MMEL1: variants seen among roughly 807,000 people sequenced by gnomAD.
The protein encoded by MMEL1 is membrane metallo-endopeptidase-like 1.
In MMEL1, 98 loss-of-function variants were observed where a neutral mutation model predicts 117.1. The ratio of observed to expected loss-of-function variants is 0.84; its 90% CI spans 0.71 to 0.99. MMEL1 has a LOEUF of 0.99. Among genes scored for constraint, MMEL1 ranks in the 50% least tolerant of loss-of-function variants. MMEL1 has a pLI of 0.00. For missense variants in MMEL1, 1,014 were observed against 1,049.1 expected (o/e 0.97, Z 0.46); for synonymous variants, 390 against 415.1 (o/e 0.94, Z 0.74).
In MMEL1 at chr1:2,607,006, G is replaced by A. The variant is rs756650891; in HGVS notation, c.599C>T (p.Pro200Leu). ...LDILEVVGGW[P>L]VAMDRWNETV... ...CTCGTTCCACCTGTCCATCGCCACCGGCCAGCCTCCCACCACCTCCAAGAT... is the reference window on the plus strand; with the variant it reads ...CTCGTTCCACCTGTCCATCGCCACCAGCCAGCCTCCCACCACCTCCAAGAT... Residue 200 changes from proline (P) to leucine (L), a missense_variant, in exon 7 of 24, where the codon CCG (proline) becomes CTG (leucine). Pro to Leu is a moderately conservative substitution (Grantham distance 98). Coordinates refer to ENST00000378412, the MANE Select transcript of MMEL1 (RefSeq NM_033467.4). The A allele has an allele frequency of 2.5e-5, 40 of 1,613,254 alleles. No homozygotes were observed. Among genetic ancestry groups the A allele is most frequent in the Non-Finnish European group, 3.2e-5 (38 of 1,179,984 alleles).
chr1:2,627,799 T>G (rs1260880753), intron 2 of MMEL1, among the ~76,000 whole-genome samples: 1 of 152,114 alleles, frequency 6.6e-6, no homozygotes, highest in African/African-American at 2.4e-5. Flanking sequence ...GAGGCCAAGG[T>G]CAGCTGTGGG....
At chr1:2,615,402 A>T (rs1645186411) in intron 2 of MMEL1, among the ~76,000 whole-genome samples, 1 of 152,182 alleles carries the variant, frequency 6.6e-6, no homozygotes, top group Non-Finnish European at 1.5e-5. Context: ...GCTAATTCCA[A>T]CTGAGGGTCA....
Position 2,597,240 on chromosome 1 carries a change from C to T in MMEL1, c.1273-551G>A, listed in dbSNP as rs182310376. The stretch of plus-strand genomic sequence containing the variant: ...CCTTCTGGGCTGCAGGACTTCCTGC[C>T]CTTTAGGAAAGGGAGGCAGCCCTTT... On this transcript the variant is annotated intron_variant, in intron 13 of 23. Coordinates refer to ENST00000378412, the MANE Select transcript of MMEL1 (RefSeq NM_033467.4). Among the ~76,000 whole-genome samples the T allele has an allele frequency of 1.8e-4, 28 of 152,156 alleles. No individual in the cohort carries two copies. The East Asian group carries it at 5.2e-3, about 28-fold the overall frequency.
At chr1:2,611,912 G>A (rs774657846) in intron 3 of MMEL1, among the ~76,000 whole-genome samples, 11 of 152,186 alleles carry the variant, frequency 7.2e-5, no homozygotes, top group Non-Finnish European at 1.0e-4. Flanking sequence ...GGCCACGCAG[G>A]AGCAGGTGCG....
rs1557523841 is a variant in MMEL1, at chr1:2,596,526, TG to T, written c.1401+34del. 3.8e-6 allele frequency: 6 copies of T among 1,597,482 alleles called. No homozygotes were observed. The South Asian group carries it at 4.4e-5, about 12-fold the overall frequency. On this transcript the variant is annotated intron_variant, in intron 14 of 23. Transcript: ENST00000378412. ...GAGGCTCGGTGTCCCTGTGGAAGGC[TG>T]GCCCCGCGTGGGCCATGGATGAGGG...
chr1:2,604,333 C>T (rs1214017224), intron 9 of MMEL1, 52 bp from the exon 10 acceptor site: 1 of 1,598,454 alleles, frequency 6.3e-7, no homozygotes, highest in Admixed American at 1.7e-5. Context: ...ACCATGGCCC[C>T]CAGGGAGTTT....
At position 2,609,709 on chromosome 1, in the gene MMEL1, A is replaced by G; in HGVS notation, c.415T>C (p.Phe139Leu). 1 of 1,613,466 alleles carries G rather than the reference A, an allele frequency of 6.2e-7. No individual in the cohort carries two copies. Among genetic ancestry groups the G allele is most frequent in the Non-Finnish European group, 8.5e-7 (1 of 1,179,880 alleles). The change falls in exon 5 of 24, where the codon TTT (phenylalanine) becomes CTT (leucine). Residue 139 changes from phenylalanine (F) to leucine (L), a missense_variant. Phe to Leu is a conservative substitution (Grantham distance 22, BLOSUM62 0). Transcript: ENST00000378412. Reference protein sequence around the residue: ...IPETNSRYSIFDVLRDELEVI... With the variant: ...IPETNSRYSILDVLRDELEVI... ...TCCAGCTCGTCGCGGAGGACGTCAA[A>G]GATGCTGTATCTTGAGTTGGTCTCA...
At chr1:2,631,672 A>G (rs1056963921) in intron 1 of MMEL1, among the ~76,000 whole-genome samples, 5 of 151,874 alleles carry the variant, frequency 3.3e-5, no homozygotes, top group East Asian at 1.9e-4. Context: ...TCATGCATCC[A>G]CACACCCTCA....
rs1028763495 is a variant in MMEL1 at position 2,613,174 on chromosome 1, G to A, written c.155-970C>T. On this transcript the variant is annotated intron_variant, in intron 2 of 23. Coordinates refer to ENST00000378412, the MANE Select transcript of MMEL1 (RefSeq NM_033467.4). ...GGGCCCAGCCCTCAAGGAGCCCCCCGCCCGGTGGAAACAGGGAGAAAGTGC... is the reference window on the plus strand; with the variant it reads ...GGGCCCAGCCCTCAAGGAGCCCCCCACCCGGTGGAAACAGGGAGAAAGTGC... 5.3e-5 allele frequency among the ~76,000 whole-genome samples: 8 copies of A among 152,220 alleles called. No homozygotes were observed. The South Asian group carries it at 6.2e-4, about 12-fold the overall frequency.
Position 2,629,472 on chromosome 1 carries a change from C to T in MMEL1, c.13G>A (p.Glu5Lys), listed in dbSNP as rs980981638. Residue 5 changes from glutamate (E) to lysine (K), a missense_variant, in exon 2 of 24, where the codon GAA becomes AAA. Transcript: ENST00000378412. Reference protein sequence around the residue: MGKSEGPVGMVESAG... With the variant: MGKSKGPVGMVESAG... ...CTCTCCACCATCCCCACTGGGCCTT[C>T]GGACTTCCCCATCAGCAGGGCTCTG... 12 of 1,519,090 alleles carry T rather than the reference C, an allele frequency of 7.9e-6. No individual in the cohort carries two copies. The highest frequency in any genetic ancestry group is 2.5e-5 in the East Asian group (1 of 39,530). The allele number at this position is 1,519,090 out of a possible 1,614,324, so 94.1% of individuals were successfully genotyped here.
chr1:2,614,620 TG>T (rs1381709935), intron 2 of MMEL1, among the ~76,000 whole-genome samples: 2 of 152,130 alleles, frequency 1.3e-5, no homozygotes, highest in African/African-American at 4.8e-5. Context: ...AGTATCTAGA[TG>T]GGTTCATGTA....
At chr1:2,591,679 GC>G in intron 22 of MMEL1, 46 bp from the exon 23 acceptor site, 1 of 852,384 alleles carries the variant, frequency 1.2e-6, no homozygotes, top group Non-Finnish European at 1.9e-6. Context: ...TGGTGGGGTG[GC>G]CAGGAGGGGT....
At chr1:2,597,298 C>G (rs1173490111) in intron 13 of MMEL1, among the ~76,000 whole-genome samples, 2 of 151,924 alleles carry the variant, frequency 1.3e-5, no homozygotes, top group Admixed American at 1.3e-4. Flanking sequence ...CTCAGTGCCC[C>G]CCTGACGCTT....
intron 13 of MMEL1, among the ~76,000 whole-genome samples, chr1:2,597,333 C>A (rs1249743187): frequency 6.6e-6 from 1 of 151,870 alleles, no homozygotes; most frequent in Non-Finnish European, 1.5e-5. Flanking sequence ...TCTGACCTAC[C>A]CCCCCATGGC....
At chr1:2,609,294 G>A (rs372152488) in intron 6 of MMEL1, 45 bp downstream of exon 6, 106 of 1,572,344 alleles carry the variant, frequency 6.7e-5, no homozygotes, top group African/African-American at 3.6e-4. Flanking sequence ...GGGGCAGCCC[G>A]CCCCCGTCCC....
chr1:2,595,000 CCGCA>C (rs1644810219), intron 16 of MMEL1, 107 bp from the exon 17 acceptor site: 1 of 931,146 alleles, frequency 1.1e-6, no homozygotes. Context: ...TGCCAGGCGT[CCGCA>C]CGTGGACAGT....
At chr1:2,611,168 G>T in intron 4 of MMEL1, 113 bp downstream of exon 4, 6 of 1,092,592 alleles carry the variant, frequency 5.5e-6, no homozygotes, top group Admixed American at 2.4e-5. Context: ...CGGCTCCACC[G>T]CCCGCCGTGT....
intron 6 of MMEL1, 29 bp downstream of exon 6, chr1:2,609,310 T>C: frequency 6.3e-7 from 1 of 1,595,862 alleles, no homozygotes; most frequent in East Asian, 2.3e-5. Flanking sequence ...GTCCCCTGCC[T>C]CGGCCCCTTC....
intron 2 of MMEL1, 143 bp downstream of exon 2, chr1:2,629,188 C>G: frequency 1.2e-6 from 1 of 859,302 alleles, no homozygotes; most frequent in Non-Finnish European, 1.7e-6. Context: ...GCCCCGGGAG[C>G]CCCTGGGTGC....
Sources: allele counts gnomAD v4.1 joint callset (sites outside exome capture counted in the v4.1 genomes callset), GRCh38; gene constraint gnomAD v4.1.1; transcripts MANE v1.5; gene names NCBI Gene and HGNC (gene_info 2026-07-23, HGNC 2026-07-21).